The following ALMS1 variants were observed in gnomAD, a reference collection of about 807,000 sequenced individuals.
The protein encoded by ALMS1 is ALMS1 centrosome and basal body associated protein, also known as centrosome-associated protein ALMS1.
In ALMS1, 271 loss-of-function variants were observed where a neutral mutation model predicts 352.2. The ratio of observed to expected loss-of-function variants is 0.77; its 90% CI spans 0.70 to 0.85. The LOEUF (loss-of-function observed/expected upper bound fraction) is 0.85, where lower values mean the gene tolerates loss of function less well. Ranked by LOEUF, ALMS1 falls within the 40% of genes least tolerant of loss-of-function variation. ALMS1 has a pLI of 0.00. For synonymous variants in ALMS1, 1,865 were observed against 1,761.2 expected (o/e 1.06, Z -1.48); for missense variants, 5,445 against 4,870.7 (o/e 1.12, Z -3.51).
At chr2:73,399,669 A>T (rs1453550789) in intron 1 of ALMS1, among the ~76,000 whole-genome samples, 1 of 151,964 alleles carries the variant, frequency 6.6e-6, no homozygotes, top group African/African-American at 2.4e-5. Context: ...TCAATATGAG[A>T]TTTGAAAGGG....
At chr2:73,443,520 G>T (rs2103761519) in intron 7 of ALMS1, among the ~76,000 whole-genome samples, 1 of 152,238 alleles carries the variant, frequency 6.6e-6, no homozygotes, top group Middle Eastern at 3.4e-3. Context: ...TACATATGTT[G>T]CTATAGTATC....
At chr2:73,512,121 A>G (rs1673465004) in intron 10 of ALMS1, among the ~76,000 whole-genome samples, 1 of 152,146 alleles carries the variant, frequency 6.6e-6, no homozygotes, top group Admixed American at 6.5e-5. Context: ...GCTGGAGTGC[A>G]GTAGCATGAT....
chr2:73,507,375 C>T (rs905364512), intron 10 of ALMS1, among the ~76,000 whole-genome samples: 3 of 152,282 alleles, frequency 2.0e-5, no homozygotes, highest in Non-Finnish European at 4.4e-5. Flanking sequence ...CTTTGTACCT[C>T]TGGTAGAATT....
At chr2:73,550,837 AT>A (rs775025061) in intron 13 of ALMS1, among the ~76,000 whole-genome samples, 119 of 146,298 alleles carry the variant, frequency 8.1e-4, no homozygotes, top group East Asian at 5.6e-3. Flanking sequence ...AGCTGACATG[AT>A]TTTTTTTTTT....
intron 11 of ALMS1, among the ~76,000 whole-genome samples, chr2:73,528,542 C>A (rs1021525355): frequency 6.6e-6 from 1 of 152,222 alleles, no homozygotes; most frequent in Non-Finnish European, 1.5e-5. Context: ...TATAGCTGTT[C>A]TTCCTCTCTT....
At chr2:73,474,371 C>CTGTGTGTGTGTGTGTG (rs377039331) in intron 9 of ALMS1, among the ~76,000 whole-genome samples, 8 of 95,562 alleles carry the variant, frequency 8.4e-5, no homozygotes, top group Admixed American at 7.0e-4. Flanking sequence ...CTTGTTGACT[C>CTGTGTGTGTGTGTGTG]TGTGTGTGTG....
At chr2:73,568,836 G>A (rs1014299495) in intron 15 of ALMS1, among the ~76,000 whole-genome samples, 2 of 151,812 alleles carry the variant, frequency 1.3e-5, no homozygotes, top group South Asian at 2.1e-4. Context: ...AATGTTATGA[G>A]TAAAATTAAT....
At position 73,386,179 on chromosome 2, in the gene ALMS1, C is replaced by T. The variant is rs1394136837; in HGVS notation, c.311C>T (p.Thr104Ile). The T allele has an allele frequency of 9.1e-6, 14 of 1,546,254 alleles. No homozygotes were observed. In the South Asian group the frequency reaches 1.2e-4, roughly 13 times the overall value. The change falls in exon 1 of 23, where the codon ACC (threonine) becomes ATC (isoleucine). Residue 104 changes from threonine (T) to isoleucine (I), a missense_variant. Thr to Ile is a moderately conservative substitution (Grantham distance 89). Transcript: ENST00000613296. ...CACCGCTACTCGGAGGGCGAGCGGACCTCCCTGGAGAAGGTGAGGCGGGCC... is the reference window on the plus strand; with the variant it reads ...CACCGCTACTCGGAGGGCGAGCGGATCTCCCTGGAGAAGGTGAGGCGGGCC... ...PQHRYSEGER[T>I]SLEKIVPLTC...
At position 73,452,329 on chromosome 2, in the gene ALMS1, A is replaced by G. The variant is rs1484299893; in HGVS notation, c.5802A>G (p.Pro1934=). The part of the protein sequence containing the change: ...PGQGDRKTEI[P]TVPLSYYSRR... ...AAGGTGACCGGAAGACTGAGATACC[A>G]ACAGTACCTTTAAGTTACTACTCAC... Residue 1934 remains proline (P), a synonymous_variant, in exon 8 of 23, where the codon CCA becomes CCG. Coordinates refer to ENST00000613296, the MANE Select transcript of ALMS1 (RefSeq NM_001378454.1). The G allele has an allele frequency of 1.2e-6, 2 of 1,614,060 alleles. No homozygotes were observed. The highest frequency in any genetic ancestry group is 4.5e-5 in the East Asian group (2 of 44,874).
chr2:73,516,020 A>G (rs997588674), intron 10 of ALMS1, among the ~76,000 whole-genome samples: 2 of 152,278 alleles, frequency 1.3e-5, no homozygotes, highest in Non-Finnish European at 2.9e-5. Flanking sequence ...AACGTACAGA[A>G]TGGGACAAAA....
intron 3 of ALMS1, among the ~76,000 whole-genome samples, chr2:73,419,541 C>T (rs1234074282): frequency 6.6e-6 from 1 of 152,140 alleles, no homozygotes; most frequent in Non-Finnish European, 1.5e-5. Context: ...CTTCCCGTTG[C>T]TCACAGAAGG....
intron 15 of ALMS1, among the ~76,000 whole-genome samples, chr2:73,563,040 A>T (rs1674697729): frequency 6.6e-6 from 1 of 151,974 alleles, no homozygotes; most frequent in East Asian, 1.9e-4. Flanking sequence ...TTGCCATAAA[A>T]TGAAAGACAG....
rs1255707381 is a variant in ALMS1 at position 73,448,373 on chromosome 2, A to C, written c.1846A>C (p.Thr616Pro). The C allele has an allele frequency of 1.2e-6, 2 of 1,613,930 alleles. No homozygotes were observed. The highest frequency in any genetic ancestry group is 1.3e-5 in the African/African-American group (1 of 74,984). ...AGCTGACCAGACAACTGGCATGTCAACTCTAACCTCTACTTCCTACTCACA... is the reference window on the plus strand; with the variant it reads ...AGCTGACCAGACAACTGGCATGTCACCTCTAACCTCTACTTCCTACTCACA... ...GLADQTTGMS[T>P]LTSTSYSHRE... Residue 616 changes from threonine (T) to proline (P), a missense_variant, in exon 8 of 23, where the codon ACT (threonine) becomes CCT (proline). By Grantham distance (38) the Thr-to-Pro change is conservative. Transcript: ENST00000613296.
chr2:73,407,522 A>G (rs1163135426), intron 1 of ALMS1, among the ~76,000 whole-genome samples: 1 of 152,184 alleles, frequency 6.6e-6, no homozygotes, highest in Non-Finnish European at 1.5e-5. Flanking sequence ...TAATGTTTTT[A>G]TATTTGTCCA....
chr2:73,483,406 G>A (rs921993573), intron 9 of ALMS1, among the ~76,000 whole-genome samples: 2 of 151,746 alleles, frequency 1.3e-5, no homozygotes, highest in Non-Finnish European at 2.9e-5. Context: ...TTAATCTTGA[G>A]TTCTAGTTTG....
intron 6 of ALMS1, among the ~76,000 whole-genome samples, chr2:73,430,355 C>T (rs147086810): frequency 0.019 from 2,930 of 152,254 alleles, 107 homozygotes; most frequent in African/African-American, 0.065. Flanking sequence ...GGATTACAGG[C>T]GTGAACCAAC....
intron 12 of ALMS1, among the ~76,000 whole-genome samples, chr2:73,537,950 G>A (rs1674066896): frequency 6.6e-6 from 1 of 152,118 alleles, no homozygotes; most frequent in African/African-American, 2.4e-5. Context: ...AGGCTGCAGT[G>A]AACTATGATT....
intron 4 of ALMS1, 35 bp downstream of exon 4, chr2:73,423,009 T>A: frequency 6.5e-7 from 1 of 1,533,426 alleles, no homozygotes; most frequent in Non-Finnish European, 9.0e-7. Context: ...CCTTTCTCAC[T>A]TCTTGTTCTA....
intron 9 of ALMS1, among the ~76,000 whole-genome samples, chr2:73,487,373 G>A (rs925520058): frequency 3.3e-5 from 5 of 152,146 alleles, no homozygotes; most frequent in South Asian, 2.1e-4. Context: ...CTGGCGCCAC[G>A]CAAGGCTGCA....
Sources: gnomAD v4.1 joint callset for allele counts (sites outside exome capture counted in the v4.1 genomes callset) on GRCh38, gnomAD v4.1.1 for gene constraint, MANE v1.5 for transcripts, NCBI Gene and HGNC (gene_info 2026-07-23, HGNC 2026-07-21) for gene names.